TEKT5: variants seen among roughly 807,000 people sequenced by gnomAD.
The protein encoded by TEKT5 is tektin-5.
Under a neutral mutation model 48.7 loss-of-function variants are expected in TEKT5, and 52 were observed. That is an observed-to-expected ratio of 1.07 (90% CI 0.86 to 1.35). The LOEUF (loss-of-function observed/expected upper bound fraction) is 1.35. TEKT5 is among the 40% of genes most tolerant of loss of function. The pLI is 0.00. For synonymous variants in TEKT5, 318 were observed against 267.6 expected (o/e 1.19, Z -1.84); for missense variants, 831 against 641.6 (o/e 1.30, Z -3.19).
At chr16:10,658,561 G>T (rs534894488) in intron 5 of TEKT5, among the ~76,000 whole-genome samples, 1 of 152,088 alleles carries the variant, frequency 6.6e-6, no homozygotes, top group African/African-American at 2.4e-5. Context: ...GCTGGTGATA[G>T]AAGTAAGAAT....
chr16:10,659,463 T>A lies in TEKT5; in HGVS notation c.1086+16496A>T, dbSNP rs140811663. ...GGTGCAATCTCGGCTCACTGCAAGCTCTGCCTCCCGAGTTCACACCATTCT... is the reference window on the plus strand; with the variant it reads ...GGTGCAATCTCGGCTCACTGCAAGCACTGCCTCCCGAGTTCACACCATTCT... On this transcript the variant is annotated intron_variant, in intron 5 of 6. Transcript: ENST00000283025. Among the ~76,000 whole-genome samples the A allele has an allele frequency of 3.0e-3, 451 of 152,288 alleles. 19 individuals carry two copies. The East Asian group carries it at 0.08, about 27-fold the overall frequency.
chr16:10,694,513 T>A lies in TEKT5; in HGVS notation c.361A>T (p.Arg121Trp). The A allele has an allele frequency of 6.2e-7, 1 of 1,611,074 alleles. No homozygotes were observed. Residue 121 changes from arginine (R) to tryptophan (W), a missense_variant, in exon 1 of 7, where the codon AGG (arginine) becomes TGG (tryptophan). Arg to Trp is a moderately radical substitution (Grantham distance 101). Coordinates refer to ENST00000283025, the MANE Select transcript of TEKT5 (RefSeq NM_144674.2). ...AGCTGGTCCTTGTCCTGCAAGAGCC[T>A]CATGGAGTCATCCGTCAGCCGGCTG... ...WASRLTDDSMRLLQDKDQLTH... is the reference protein window; with the variant it reads ...WASRLTDDSMWLLQDKDQLTH...
chr16:10,675,001 T>C (rs1317292602), intron 5 of TEKT5, among the ~76,000 whole-genome samples: 2 of 152,008 alleles, frequency 1.3e-5, no homozygotes, highest in Non-Finnish European at 2.9e-5. Context: ...ATTTTTTCTA[T>C]TTTTAGTAGA....
At chr16:10,688,548 T>C (rs2142314421) in intron 3 of TEKT5, among the ~76,000 whole-genome samples, 1 of 152,234 alleles carries the variant, frequency 6.6e-6, no homozygotes, top group East Asian at 1.9e-4. Flanking sequence ...CAAGAGGGAA[T>C]GAAGTGGAAA....
intron 5 of TEKT5, among the ~76,000 whole-genome samples, chr16:10,653,345 T>C (rs530660567): frequency 1.5e-4 from 23 of 152,298 alleles, no homozygotes; most frequent in African/African-American, 5.1e-4. Flanking sequence ...TTGCATACAG[T>C]AGGCTGCCTG....
chr16:10,671,010 T>A (rs1292496180), intron 5 of TEKT5, among the ~76,000 whole-genome samples: 2 of 152,072 alleles, frequency 1.3e-5, no homozygotes, highest in South Asian at 2.1e-4. Flanking sequence ...GCTCAAGGGA[T>A]CCTCACTAGA....
At chr16:10,654,207 C>T (rs1450714234) in intron 5 of TEKT5, among the ~76,000 whole-genome samples, 1 of 152,166 alleles carries the variant, frequency 6.6e-6, no homozygotes, top group Non-Finnish European at 1.5e-5. Context: ...CATGCTACCA[C>T]ATCCAGCTAA....
At chr16:10,653,914 A>C (rs1366612725) in intron 5 of TEKT5, among the ~76,000 whole-genome samples, 1 of 148,778 alleles carries the variant, frequency 6.7e-6, no homozygotes, top group Non-Finnish European at 1.5e-5. Context: ...ACTCTGTCTC[A>C]AAACAAAAAC....
At chr16:10,645,487 G>A (rs1189462626) in intron 5 of TEKT5, among the ~76,000 whole-genome samples, 2 of 152,086 alleles carry the variant, frequency 1.3e-5, no homozygotes, top group African/African-American at 4.8e-5. Flanking sequence ...CTCCAGCCTG[G>A]GCAGCAGAGC....
chr16:10,681,898 G>A (rs1898759782), intron 4 of TEKT5, 95 bp downstream of exon 4: 2 of 1,485,608 alleles, frequency 1.3e-6, no homozygotes, highest in Admixed American at 1.8e-5. Flanking sequence ...CCACTTAACT[G>A]GTGCACGATG....
Position 10,677,223 on chromosome 16 carries a change from G to C in TEKT5, c.864-1042C>G, listed in dbSNP as rs553723450. On this transcript the variant is annotated intron_variant, in intron 4 of 6. Transcript: ENST00000283025. The stretch of plus-strand genomic sequence containing the variant: ...GCAGCAGCAGCAGGAGGATGAAAGA[G>C]ACAAATGGAGTGGTGTCATTATGTG... 6.7e-5 allele frequency among the ~76,000 whole-genome samples: 10 copies of C among 148,182 alleles called. 2 individuals are homozygous for C. The highest frequency in any genetic ancestry group is 2.6e-4 in the African/African-American group (10 of 38,418).
chr16:10,677,483 G>A (rs149367713), intron 4 of TEKT5, among the ~76,000 whole-genome samples: 8,207 of 146,178 alleles, frequency 0.056, 615 homozygotes, highest in Middle Eastern at 0.1. Flanking sequence ...GGTGGCACAC[G>A]CCTGTAATCC....
intron 1 of TEKT5, 114 bp downstream of exon 1, chr16:10,694,196 G>A (rs1251502539): frequency 9.5e-6 from 10 of 1,052,164 alleles, no homozygotes; most frequent in East Asian, 2.4e-5. Context: ...CGATGATGCA[G>A]CTCAAACCGA....
chr16:10,679,973 G>A (rs956073738), intron 4 of TEKT5, among the ~76,000 whole-genome samples: 32 of 152,140 alleles, frequency 2.1e-4, no homozygotes, highest in African/African-American at 7.5e-4. Flanking sequence ...GGAGCAATTA[G>A]TTGCTACAAA....
At position 10,682,115 on chromosome 16, in the gene TEKT5, G is replaced by T; in HGVS notation, c.741C>A (p.His247Gln). The T allele has an allele frequency of 6.2e-7, 1 of 1,614,106 alleles. No homozygotes were observed. ...TGTCTTCGAGGTCCCTCTCCAGCAC[G>T]TGCTGAGCATCCCGGTTATCCCTGC... is the stretch of plus-strand genomic sequence containing the variant. ...IQMRDNRDAQ[H>Q]VLERDLEDKS... The change falls in exon 4 of 7, where the codon CAC becomes CAA. Residue 247 changes from histidine to glutamine, a missense_variant. Physicochemically the swap from His to Gln is conservative, Grantham distance 24. Coordinates refer to ENST00000283025, the MANE Select transcript of TEKT5 (RefSeq NM_144674.2).
chr16:10,653,297 G>A (rs192188582), intron 5 of TEKT5, among the ~76,000 whole-genome samples: 27 of 152,286 alleles, frequency 1.8e-4, no homozygotes, highest in South Asian at 6.2e-4. Flanking sequence ...TGGCGTAGAC[G>A]GCTCACCTCA....
intron 5 of TEKT5, among the ~76,000 whole-genome samples, chr16:10,640,110 C>T (rs576496424): frequency 1.9e-4 from 15 of 80,964 alleles, no homozygotes; most frequent in Non-Finnish European, 2.9e-4. Context: ...CCCCTCCTCC[C>T]GTCTTCCTCC....
At chr16:10,653,072 G>A (rs2142277331) in intron 5 of TEKT5, among the ~76,000 whole-genome samples, 1 of 152,354 alleles carries the variant, frequency 6.6e-6, no homozygotes, top group East Asian at 1.9e-4. Context: ...CCCCAGGGAT[G>A]TTAACCTTCC....
intron 5 of TEKT5, among the ~76,000 whole-genome samples, chr16:10,663,703 TG>T (rs1898412206): frequency 6.6e-6 from 1 of 152,176 alleles, no homozygotes; most frequent in South Asian, 2.1e-4. Context: ...TCCTGTGCAT[TG>T]GGGGCTGTTT....
Sources: gnomAD v4.1 joint callset for allele counts (sites outside exome capture counted in the v4.1 genomes callset) on GRCh38, gnomAD v4.1.1 for gene constraint, MANE v1.5 for transcripts, NCBI Gene and HGNC (gene_info 2026-07-23, HGNC 2026-07-21) for gene names.